RFC2: variants seen among roughly 807,000 people sequenced by gnomAD.
RFC2 encodes the protein A1 40 kDa subunit.
RFC2 carries 34 observed loss-of-function variants against 44.8 expected under a neutral mutation model. The ratio of observed to expected loss-of-function variants is 0.76; its 90% CI spans 0.58 to 1.01. The LOEUF (loss-of-function observed/expected upper bound fraction) is 1.01, where lower values mean the gene tolerates loss of function less well. Ranked by LOEUF, RFC2 falls within the 50% of genes least tolerant of loss-of-function variation. The pLI is 0.00. For synonymous variants in RFC2, 177 were observed against 168.9 expected (o/e 1.05, Z -0.37); for missense variants, 400 against 453.6 (o/e 0.88, Z 1.07).
rs1157187580 is a variant in RFC2 at position 74,243,179 on chromosome 7, C to A, written c.502G>T (p.Ala168Ser). The A allele has an allele frequency of 6.2e-7, 1 of 1,613,646 alleles. No individual in the cohort carries two copies. The highest frequency in any genetic ancestry group is 8.5e-7 in the Non-Finnish European group (1 of 1,179,744). ...TTATCCGAAGCATTACAAGCAAGGGCGAAGCGAGTGGTTTTAGAGTAGATT... is the reference window on the plus strand; with the variant it reads ...TTATCCGAAGCATTACAAGCAAGGGAGAAGCGAGTGGTTTTAGAGTAGATT... ...MEIYSKTTRF[A>S]LACNASDKII... The change falls in exon 6 of 11, where the codon GCC becomes TCC. Residue 168 changes from alanine (A) to serine (S), a missense_variant. Coordinates refer to ENST00000055077, the MANE Select transcript of RFC2 (RefSeq NM_181471.3).
chr7:74,242,587 A>G (rs1803393881), intron 6 of RFC2, among the ~76,000 whole-genome samples: 2 of 152,116 alleles, frequency 1.3e-5, no homozygotes, highest in South Asian at 2.1e-4. Flanking sequence ...GGCCCATGCT[A>G]CACAATAAAA....
At chr7:74,244,687 G>A (rs1015384495) in intron 5 of RFC2, among the ~76,000 whole-genome samples, 4 of 151,118 alleles carry the variant, frequency 2.6e-5, no homozygotes, top group East Asian at 2.0e-4. Flanking sequence ...AATTTATTTC[G>A]CCAGGCACAG....
intron 5 of RFC2, among the ~76,000 whole-genome samples, chr7:74,244,096 CAAAAA>C (rs1179272254): frequency 2.4e-5 from 1 of 41,636 alleles, no homozygotes; most frequent in Non-Finnish European, 5.3e-5. Flanking sequence ...ACTAAAAATA[CAAAAA>C]AAAAAAAAAA....
intron 8 of RFC2, 24 bp from the exon 9 acceptor site, chr7:74,237,466 G>A (rs781897505): frequency 1.1e-5 from 17 of 1,516,082 alleles, no homozygotes; most frequent in Middle Eastern, 1.7e-4. Context: ...AAGGAAAGGC[G>A]GTCAGGGGCT....
Position 74,232,147 on chromosome 7 carries a change from C to A in RFC2, c.1024G>T (p.Ala342Ser). 1.2e-6 allele frequency: 2 copies of A among 1,613,128 alleles called. No homozygotes were observed. The highest frequency in any genetic ancestry group is 1.7e-6 in the Non-Finnish European group (2 of 1,179,034). The change falls in exon 11 of 11, where the codon GCA becomes TCA. Residue 342 changes from alanine (A) to serine (S), a missense_variant. Coordinates refer to ENST00000055077, the MANE Select transcript of RFC2 (RefSeq NM_181471.3). ...GCCATTGTCTTCTGACACAGCCTTG[C>A]CAGGAGGCCTGCCATCTGCAAAAGA... ...NSLLQMAGLL[A>S]RLCQKTMAPV...
chr7:74,236,097 T>G (rs1554718284), intron 9 of RFC2, among the ~76,000 whole-genome samples: 1 of 152,224 alleles, frequency 6.6e-6, no homozygotes, highest in Non-Finnish European at 1.5e-5. Flanking sequence ...ATTCATCTGC[T>G]AGCTTCATCC....
intron 4 of RFC2, 99 bp from the exon 5 acceptor site, chr7:74,246,862 C>T: frequency 3.2e-6 from 2 of 620,120 alleles, no homozygotes; most frequent in Non-Finnish European, 5.4e-6. Context: ...CTGTGAGGCC[C>T]AATTTCCATT....
At chr7:74,252,362 G>A (rs529986894) in intron 2 of RFC2, 67 bp downstream of exon 2, 33 of 804,882 alleles carry the variant, frequency 4.1e-5, no homozygotes, top group East Asian at 3.8e-4. Flanking sequence ...AGCGGAGATC[G>A]CACCACTGCA....
At chr7:74,242,705 G>C (rs1193082142) in intron 6 of RFC2, among the ~76,000 whole-genome samples, 1 of 142,154 alleles carries the variant, frequency 7.0e-6, no homozygotes, top group African/African-American at 2.6e-5. Flanking sequence ...CACGAGGTCA[G>C]ACGTTTGAGA....
intron 5 of RFC2, among the ~76,000 whole-genome samples, chr7:74,244,659 G>A (rs553623915): frequency 4.0e-5 from 6 of 149,422 alleles, no homozygotes; most frequent in African/African-American, 9.8e-5. Context: ...GTGAGCCACC[G>A]CACCTGGCCC....
At chr7:74,253,927 TA>T (rs1360753806) in intron 1 of RFC2, among the ~76,000 whole-genome samples, 3 of 152,278 alleles carry the variant, frequency 2.0e-5, no homozygotes, top group Middle Eastern at 6.8e-3. Context: ...ATGTAATCGA[TA>T]TTTTTTTTAA....
chr7:74,243,084 A>T (rs1452987486), intron 6 of RFC2, 62 bp downstream of exon 6: 1 of 1,106,544 alleles, frequency 9.0e-7, no homozygotes, highest in Non-Finnish European at 1.4e-6. Context: ...CCACATCTAT[A>T]AAAAAGAAAA....
chr7:74,237,333 T>G lies in RFC2; in HGVS notation c.840+29A>C, dbSNP rs374363049. 3.2e-6 allele frequency: 5 copies of G among 1,557,614 alleles called. No individual in the cohort carries two copies. The African/African-American group carries it at 5.4e-5, about 17-fold the overall frequency. ...CTCTGCCCAAGAAGTGAGCGGTTCC[T>G]CTGCCAGGACGGGGGGAAGGAGGCC... On this transcript the variant is annotated intron_variant, in intron 9 of 10. Transcript: ENST00000055077.
intron 1 of RFC2, among the ~76,000 whole-genome samples, chr7:74,253,284 G>A (rs1787077799): frequency 6.6e-6 from 1 of 151,356 alleles, no homozygotes; most frequent in Non-Finnish European, 1.5e-5. Context: ...GCAATGGTGC[G>A]ATCTTGGGTC....
At chr7:74,254,038 C>T (rs1340438478) in intron 1 of RFC2, among the ~76,000 whole-genome samples, 3 of 152,086 alleles carry the variant, frequency 2.0e-5, no homozygotes, top group East Asian at 1.9e-4. Context: ...CGGGGTAGCC[C>T]TAATTGTCAT....
intron 4 of RFC2, 73 bp downstream of exon 4, chr7:74,248,939 G>A: frequency 1.9e-6 from 2 of 1,070,154 alleles, no homozygotes; most frequent in African/African-American, 1.5e-5. Context: ...ACCCAATGCT[G>A]AGAAAGGTTG....
In RFC2 at chr7:74,237,062, G is replaced by A. The variant is rs577680487; in HGVS notation, c.840+300C>T. Reference sequence around the variant, plus strand: ...ATCAGTAAAGTGCACCCAACTCCTAGCATAATTTTTTTTTTCCAGTTCCTA... The same window carrying A: ...ATCAGTAAAGTGCACCCAACTCCTAACATAATTTTTTTTTTCCAGTTCCTA... On this transcript the variant is annotated intron_variant, in intron 9 of 10. Coordinates refer to ENST00000055077, the MANE Select transcript of RFC2 (RefSeq NM_181471.3). 1.2e-4 allele frequency among the ~76,000 whole-genome samples: 18 copies of A among 151,396 alleles called. No homozygotes were observed. The East Asian group carries it at 2.9e-3, about 24-fold the overall frequency.
chr7:74,243,105 G>A (rs782156067), intron 6 of RFC2, 41 bp downstream of exon 6: 3 of 1,334,956 alleles, frequency 2.2e-6, no homozygotes, highest in South Asian at 2.4e-5. Flanking sequence ...AAGCCCAGTT[G>A]AGCACCACGT....
intron 5 of RFC2, among the ~76,000 whole-genome samples, chr7:74,243,569 A>G (rs1803450729): frequency 6.6e-6 from 1 of 151,668 alleles, no homozygotes; most frequent in Admixed American, 6.6e-5. Flanking sequence ...CAATCATGAC[A>G]CCAGCTGCCA....
Sources: allele counts gnomAD v4.1 joint callset (sites outside exome capture counted in the v4.1 genomes callset), GRCh38; gene constraint gnomAD v4.1.1; transcripts MANE v1.5; gene names NCBI Gene and HGNC (gene_info 2026-07-23, HGNC 2026-07-21).